The following MARK1 variants were observed in gnomAD, a reference collection of about 807,000 sequenced individuals.
MARK1 encodes microtubule affinity regulating kinase 1, also known as serine/threonine-protein kinase MARK1.
MARK1 carries 40 observed loss-of-function variants against 96.3 expected under a neutral mutation model. The ratio of observed to expected loss-of-function variants is 0.42; its 90% CI spans 0.32 to 0.54. MARK1 has a LOEUF of 0.54. Ranked by LOEUF, MARK1 falls within the 20% of genes least tolerant of loss-of-function variation. The pLI, the probability that MARK1 is intolerant of heterozygous loss-of-function variation, is 0.16. For missense variants in MARK1, 719 were observed against 984.6 expected (o/e 0.73, Z 3.61); for synonymous variants, 317 against 341.2 (o/e 0.93, Z 0.78).
rs1475070904 is a variant in MARK1 at position 220,635,399 on chromosome 1, C to T, written c.1146C>T (p.Ser382=). The part of the protein sequence containing the change: ...PPEFEGGESL[S]SGNLCQRSRP... ...AGTTTGAAGGTGGTGAATCGTTATC[C>T]AGTGGAAACTTGTGTCAGAGGTCCC... The change falls in exon 12 of 18, where the codon TCC becomes TCT. Residue 382 remains serine (S), a synonymous_variant. Transcript: ENST00000366917. The T allele has an allele frequency of 2.5e-6, 4 of 1,606,570 alleles. No individual in the cohort carries two copies. Among genetic ancestry groups the T allele is most frequent in the East Asian group, 4.5e-5 (2 of 44,642 alleles).
At chr1:220,580,078 T>C (rs13374838) in intron 2 of MARK1, among the ~76,000 whole-genome samples, 1,695 of 152,314 alleles carry the variant, frequency 0.011, 28 homozygotes, top group African/African-American at 0.039. Flanking sequence ...TGCACATATG[T>C]ACGTTGTGTA....
rs566943152 is a variant in MARK1 at position 220,583,077 on chromosome 1, C to T, written c.309+1959C>T. On this transcript the variant is annotated intron_variant, in intron 3 of 17. Coordinates refer to ENST00000366917, the MANE Select transcript of MARK1 (RefSeq NM_018650.5). ...CAGTAGCATCTCCCAGTCAGTCATA[C>T]TTAAAAAGTAATGGAATGTGAAACA... 3.4e-4 allele frequency among the ~76,000 whole-genome samples: 52 copies of T among 152,250 alleles called. 1 individual carries two copies. The South Asian group carries it at 7.0e-3, about 21-fold the overall frequency.
rs149533607 is a variant in MARK1, at chr1:220,622,580, G to A, written c.909+3825G>A. On this transcript the variant is annotated intron_variant, in intron 9 of 17. Transcript: ENST00000366917. The stretch of plus-strand genomic sequence containing the variant: ...TTTAAGTAAAATTATTTGTCTGGCC[G>A]TTCTAAATTCCATATTTTTAAAATG... Among the ~76,000 whole-genome samples the A allele has an allele frequency of 2.1e-3, 315 of 152,206 alleles. 3 individuals carry two copies. The highest frequency in any genetic ancestry group is 5.0e-3 in the African/African-American group (207 of 41,530).
intron 9 of MARK1, among the ~76,000 whole-genome samples, chr1:220,623,647 A>G (rs1312182902): frequency 6.6e-6 from 1 of 151,938 alleles, no homozygotes; most frequent in Non-Finnish European, 1.5e-5. Context: ...TTATCACTGC[A>G]TTTTCTACTT....
intron 17 of MARK1, 33 bp from the exon 18 acceptor site, chr1:220,661,779 C>A: frequency 6.8e-7 from 1 of 1,476,032 alleles, no homozygotes; most frequent in Non-Finnish European, 9.2e-7. Context: ...GAAATATTTG[C>A]TTTCATTCTT....
chr1:220,612,935 G>A (rs539264826), intron 6 of MARK1, among the ~76,000 whole-genome samples: 43 of 152,010 alleles, frequency 2.8e-4, no homozygotes, highest in Non-Finnish European at 5.3e-4. Context: ...AAAAAAAGTC[G>A]TAATATTGAT....
chr1:220,611,865 T>G (rs985830273), intron 6 of MARK1, among the ~76,000 whole-genome samples: 2 of 152,134 alleles, frequency 1.3e-5, no homozygotes, highest in Admixed American at 1.3e-4. Flanking sequence ...CCCAAGTAGC[T>G]GGGATTACAG....
rs180939692 is a variant in MARK1 at position 220,601,722 on chromosome 1, A to T, written c.424+1859A>T. 2.8e-4 allele frequency among the ~76,000 whole-genome samples: 42 copies of T among 152,342 alleles called. 1 individual carries two copies. Among genetic ancestry groups the T allele is most frequent in the Admixed American group, 6.5e-4 (10 of 15,302 alleles). On this transcript the variant is annotated intron_variant, in intron 5 of 17. Transcript: ENST00000366917. ...ACTGCAAGGCTTTGTTAATATTAAT[A>T]TGTGTACTGACTTAATGGTTAATGG...
At chr1:220,619,351 G>A (rs2102973256) in intron 9 of MARK1, among the ~76,000 whole-genome samples, 1 of 152,298 alleles carries the variant, frequency 6.6e-6, no homozygotes, top group Non-Finnish European at 1.5e-5. Context: ...GCACACACCT[G>A]TAGTCCCAGC....
intron 9 of MARK1, among the ~76,000 whole-genome samples, chr1:220,620,032 T>C (rs955794739): frequency 6.6e-6 from 1 of 152,224 alleles, no homozygotes; most frequent in Admixed American, 6.5e-5. Flanking sequence ...TTTCCACAAA[T>C]ATTTTTCAGT....
chr1:220,544,640 C>G (rs1182288622), intron 1 of MARK1, among the ~76,000 whole-genome samples: 1 of 152,190 alleles, frequency 6.6e-6, no homozygotes, highest in Non-Finnish European at 1.5e-5. Context: ...GAGATTAAGA[C>G]AGTGCCTTTA....
chr1:220,569,577 G>T (rs1224304734), intron 1 of MARK1, among the ~76,000 whole-genome samples: 1 of 151,574 alleles, frequency 6.6e-6, no homozygotes, highest in Non-Finnish European at 1.5e-5. Flanking sequence ...AATTTATTTT[G>T]GAGTAAAGAG....
At chr1:220,564,648 C>A (rs952096718) in intron 1 of MARK1, among the ~76,000 whole-genome samples, 24 of 152,010 alleles carry the variant, frequency 1.6e-4, no homozygotes, top group African/African-American at 5.8e-4. Context: ...AACATAGCAT[C>A]CTGTGTGTAC....
chr1:220,584,133 A>G (rs1294217217), intron 3 of MARK1, among the ~76,000 whole-genome samples: 1 of 152,224 alleles, frequency 6.6e-6, no homozygotes, highest in Non-Finnish European at 1.5e-5. Flanking sequence ...AGTTTGTGTC[A>G]GTCTGTCTCA....
Position 220,635,425 on chromosome 1 carries a change from G to A in MARK1, c.1172G>A (p.Arg391Gln), listed in dbSNP as rs201557089. 1.1e-4 allele frequency: 180 copies of A among 1,611,746 alleles called. No homozygotes were observed. Among genetic ancestry groups the A allele is most frequent in the Non-Finnish European group, 1.3e-4 (150 of 1,179,470 alleles). The change falls in exon 12 of 18, where the codon CGG becomes CAG. Residue 391 changes from arginine (R) to glutamine (Q), a missense_variant. Coordinates refer to ENST00000366917, the MANE Select transcript of MARK1 (RefSeq NM_018650.5). ...AGTGGAAACTTGTGTCAGAGGTCCCGGCCCAGTAGTGACTTAAACAACAGC... is the reference window on the plus strand; with the variant it reads ...AGTGGAAACTTGTGTCAGAGGTCCCAGCCCAGTAGTGACTTAAACAACAGC... Reference protein sequence around the residue: ...LSSGNLCQRSRPSSDLNNSTL... With the variant: ...LSSGNLCQRSQPSSDLNNSTL...
intron 13 of MARK1, among the ~76,000 whole-genome samples, chr1:220,638,256 T>C (rs1668082292): frequency 6.6e-6 from 1 of 152,170 alleles, no homozygotes; most frequent in African/African-American, 2.4e-5. Context: ...TTGACTGAAC[T>C]GAGTCTTATT....
chr1:220,538,433 C>A (rs1317452206), intron 1 of MARK1, among the ~76,000 whole-genome samples: 1 of 151,652 alleles, frequency 6.6e-6, no homozygotes, highest in East Asian at 1.9e-4. Flanking sequence ...TTGCATTGAT[C>A]TATATCTCTA....
chr1:220,565,251 A>T (rs1311871692), intron 1 of MARK1, among the ~76,000 whole-genome samples: 2 of 152,184 alleles, frequency 1.3e-5, no homozygotes, highest in Non-Finnish European at 2.9e-5. Flanking sequence ...AACATGAATG[A>T]TCAGTTTTCT....
At chr1:220,528,901 C>G in intron 1 of MARK1, 28 bp downstream of exon 1, 1 of 1,548,300 alleles carries the variant, frequency 6.5e-7, no homozygotes, top group Non-Finnish European at 8.7e-7. Flanking sequence ...CCCTCGGGAG[C>G]AGTGGGGGCG....
Sources: allele counts gnomAD v4.1 joint callset (sites outside exome capture counted in the v4.1 genomes callset), GRCh38; gene constraint gnomAD v4.1.1; transcripts MANE v1.5; gene names NCBI Gene and HGNC (gene_info 2026-07-23, HGNC 2026-07-21).